CNGB3: variants seen among roughly 807,000 people sequenced by gnomAD.
CNGB3 encodes cyclic nucleotide-gated channel beta-3.
CNGB3 carries 86 observed loss-of-function variants against 92.8 expected under a neutral mutation model. That is an observed-to-expected ratio of 0.93 (90% CI 0.78 to 1.11). The LOEUF (loss-of-function observed/expected upper bound fraction) is 1.11. CNGB3 is among the 50% of genes least tolerant of loss of function. The probability of loss-of-function intolerance (pLI) is 0.00; values close to 1 mark genes in which losing one functional copy is unlikely to be tolerated. For missense variants in CNGB3, 1,026 were observed against 956.8 expected (o/e 1.07, Z -0.95); for synonymous variants, 333 against 332.7 (o/e 1.00, Z -0.01).
At chr8:86,697,473 A>G (rs1393245535) in intron 3 of CNGB3, among the ~76,000 whole-genome samples, 1 of 152,190 alleles carries the variant, frequency 6.6e-6, no homozygotes, top group Non-Finnish European at 1.5e-5. Flanking sequence ...ATTTATTAAA[A>G]TTCAGTGGGC....
chr8:86,648,257 T>TTTTATTTGAAATTTGTAAGCATTGTA, intron 7 of CNGB3, among the ~76,000 whole-genome samples: 1 of 151,190 alleles, frequency 6.6e-6, no homozygotes, highest in South Asian at 2.1e-4. Context: ...CCATTCTTGA[T>TTTTATTTGAAATTTGTAAGCATTGTA]TTTATTTGAA....
chr8:86,659,018 G>T (rs1234671563), intron 6 of CNGB3: 3 of 1,018,386 alleles, frequency 2.9e-6, no homozygotes, highest in East Asian at 2.5e-5. Flanking sequence ...CCTTCCGCAG[G>T]TGCTCGGCCT....
intron 3 of CNGB3, among the ~76,000 whole-genome samples, chr8:86,674,714 T>C (rs1334364140): frequency 1.3e-5 from 2 of 152,342 alleles, no homozygotes; most frequent in East Asian, 3.9e-4. Context: ...AATTCCATGA[T>C]GAAAGTTTTG....
At chr8:86,620,357 G>C (rs1315277568) in intron 13 of CNGB3, among the ~76,000 whole-genome samples, 1 of 152,158 alleles carries the variant, frequency 6.6e-6, no homozygotes, top group African/African-American at 2.4e-5. Context: ...AGCAGGTCTG[G>C]TTTCTTCTGT....
chr8:86,611,644 T>C lies in CNGB3; in HGVS notation c.1606A>G (p.Met536Val). ...AGAACGGATTTCAATCTTAGCAACA[T>C]GTCATAAATCATCTGTGTATCACAA... ...KGCDTQMIYD[M>V]LLRLKSVLYL... is the part of the protein sequence containing the mutation. Residue 536 changes from methionine to valine, a missense_variant, in exon 14 of 18, where the codon ATG becomes GTG. Met to Val is a conservative substitution (Grantham distance 21, BLOSUM62 1). Coordinates refer to ENST00000320005, the MANE Select transcript of CNGB3 (RefSeq NM_019098.5). 1 of 1,613,278 alleles carries C rather than the reference T, an allele frequency of 6.2e-7. No individual in the cohort carries two copies. Among genetic ancestry groups the C allele is most frequent in the Non-Finnish European group, 8.5e-7 (1 of 1,179,420 alleles).
At chr8:86,727,996 T>C (rs1825091621) in intron 2 of CNGB3, among the ~76,000 whole-genome samples, 1 of 152,120 alleles carries the variant, frequency 6.6e-6, no homozygotes, top group South Asian at 2.1e-4. Flanking sequence ...AATCAAAAAA[T>C]TGAGTCACTC....
intron 9 of CNGB3, 133 bp downstream of exon 9, chr8:86,644,489 T>C: frequency 8.6e-7 from 1 of 1,157,292 alleles, no homozygotes; most frequent in Non-Finnish European, 1.2e-6. Context: ...AACATAGTCC[T>C]ATATTTTATA....
chr8:86,676,484 G>A (rs1215555700), intron 3 of CNGB3, among the ~76,000 whole-genome samples: 4 of 152,092 alleles, frequency 2.6e-5, no homozygotes, highest in Non-Finnish European at 5.9e-5. Context: ...AGGTTGATGG[G>A]GAACCATGGC....
intron 15 of CNGB3, among the ~76,000 whole-genome samples, chr8:86,587,552 A>G (rs1409782791): frequency 1.3e-5 from 2 of 152,116 alleles, no homozygotes; most frequent in African/African-American, 2.4e-5. Context: ...AGCTTTCTAC[A>G]TATGGCTAGC....
At chr8:86,669,514 G>A (rs543995860) in intron 4 of CNGB3, among the ~76,000 whole-genome samples, 2 of 152,240 alleles carry the variant, frequency 1.3e-5, no homozygotes, top group South Asian at 2.1e-4. Flanking sequence ...CACTGCAAAC[G>A]TACATCATTC....
chr8:86,657,764 C>T, intron 6 of CNGB3: 1 of 482,816 alleles, frequency 2.1e-6, no homozygotes, highest in Non-Finnish European at 4.2e-6. Context: ...GCTCCAGCAG[C>T]TTCACCTTCA....
At chr8:86,615,348 T>C (rs1350305249) in intron 13 of CNGB3, among the ~76,000 whole-genome samples, 1 of 152,172 alleles carries the variant, frequency 6.6e-6, no homozygotes, top group African/African-American at 2.4e-5. Flanking sequence ...CTCACACCTG[T>C]AATCCCAGAT....
chr8:86,701,151 G>A (rs1432648340), intron 3 of CNGB3, among the ~76,000 whole-genome samples: 2 of 152,088 alleles, frequency 1.3e-5, no homozygotes, highest in African/African-American at 2.4e-5. Flanking sequence ...ACAGCTATGA[G>A]CTCATAATTC....
At chr8:86,671,131 G>T in intron 3 of CNGB3, 33 bp from the exon 4 acceptor site, 1 of 1,609,666 alleles carries the variant, frequency 6.2e-7, no homozygotes, top group East Asian at 2.2e-5. Context: ...ATAGAGATGG[G>T]CCCATGAAGA....
intron 2 of CNGB3, among the ~76,000 whole-genome samples, chr8:86,733,371 C>A (rs1255647682): frequency 6.6e-6 from 1 of 152,148 alleles, no homozygotes; most frequent in East Asian, 1.9e-4. Context: ...GATTTCATGT[C>A]TTTGCTATTG....
intron 15 of CNGB3, among the ~76,000 whole-genome samples, chr8:86,582,289 G>C (rs1178034962): frequency 3.3e-5 from 5 of 151,974 alleles, no homozygotes; most frequent in African/African-American, 1.2e-4. Context: ...AGCTACTTGT[G>C]AGGCTGAGGA....
intron 3 of CNGB3, among the ~76,000 whole-genome samples, chr8:86,671,552 T>G (rs1244767363): frequency 6.6e-6 from 1 of 152,220 alleles, no homozygotes; most frequent in Non-Finnish European, 1.5e-5. Flanking sequence ...GTGGGCCTGA[T>G]CTAATCATAC....
intron 3 of CNGB3, among the ~76,000 whole-genome samples, chr8:86,706,760 A>C (rs1330644301): frequency 6.6e-6 from 1 of 152,210 alleles, no homozygotes; most frequent in Non-Finnish European, 1.5e-5. Flanking sequence ...TCTGGTTATC[A>C]TATGAGTCAT....
At chr8:86,722,380 A>G (rs914231369) in intron 3 of CNGB3, among the ~76,000 whole-genome samples, 3 of 152,174 alleles carry the variant, frequency 2.0e-5, no homozygotes, top group Non-Finnish European at 4.4e-5. Flanking sequence ...ACAGGGGTGA[A>G]CCCTGTGTCT....
Sources: allele counts gnomAD v4.1 joint callset (sites outside exome capture counted in the v4.1 genomes callset), GRCh38; gene constraint gnomAD v4.1.1; transcripts MANE v1.5; gene names NCBI Gene and HGNC (gene_info 2026-07-23, HGNC 2026-07-21).